The following HOXD3 variants were observed in gnomAD, a reference collection of about 807,000 sequenced individuals.
HOXD3 encodes homeobox D3.
In HOXD3, 13 loss-of-function variants were observed where a neutral mutation model predicts 32.8. The ratio of observed to expected loss-of-function variants is 0.40; its 90% CI spans 0.26 to 0.63. The LOEUF (loss-of-function observed/expected upper bound fraction) is 0.63. Among genes scored for constraint, HOXD3 ranks in the 20% least tolerant of loss-of-function variants. The probability of loss-of-function intolerance (pLI) is 0.44; values close to 1 mark genes in which losing one functional copy is unlikely to be tolerated. For synonymous variants in HOXD3, 241 were observed against 246.8 expected (o/e 0.98, Z 0.22); for missense variants, 504 against 577.1 (o/e 0.87, Z 1.30).
intron 1 of HOXD3, among the ~76,000 whole-genome samples, chr2:176,161,915 G>A (rs1010416075): frequency 1.3e-5 from 2 of 152,234 alleles, no homozygotes; most frequent in Non-Finnish European, 2.9e-5. Flanking sequence ...GCTGGGAGAG[G>A]AGAAGACAAC....
chr2:176,156,393 T>A (rs931875544), upstream of HOXD3, among the ~76,000 whole-genome samples: 1 of 152,234 alleles, frequency 6.6e-6, no homozygotes, highest in Non-Finnish European at 1.5e-5. Flanking sequence ...GGGATCCAGG[T>A]TGGCATTCTG....
chr2:176,166,353 T>C (rs1158568113), intron 2 of HOXD3, among the ~76,000 whole-genome samples: 4 of 152,204 alleles, frequency 2.6e-5, no homozygotes, highest in African/African-American at 9.6e-5. Flanking sequence ...CTTTGTCAAC[T>C]TGGGAGGCAG....
chr2:176,154,520 G>A (rs546649129), upstream of HOXD3, among the ~76,000 whole-genome samples: 1 of 152,286 alleles, frequency 6.6e-6, no homozygotes, highest in East Asian at 1.9e-4. Flanking sequence ...AGATCCAGAA[G>A]GGGGGTATTT....
At chr2:176,156,580 C>T (rs992795867), upstream of HOXD3, among the ~76,000 whole-genome samples, 1 of 152,092 alleles carries the variant, frequency 6.6e-6, no homozygotes. Context: ...CCCGGGCCTC[C>T]ACTCTTGGGC....
intron 1 of HOXD3, among the ~76,000 whole-genome samples, chr2:176,158,950 G>T (rs1186533045): frequency 6.6e-6 from 1 of 152,110 alleles, no homozygotes; most frequent in Non-Finnish European, 1.5e-5. Context: ...GGCTTGGCGG[G>T]CACTGGCCCG....
rs1175086891 is a variant in HOXD3 at position 176,169,324 on chromosome 2, C to A, written c.210C>A (p.Ile70=). The A allele has an allele frequency of 6.2e-7, 1 of 1,613,996 alleles. No homozygotes were observed. The highest frequency in any genetic ancestry group is 8.5e-7 in the Non-Finnish European group (1 of 1,180,030). Residue 70 remains isoleucine (I), a synonymous_variant, in exon 3 of 4, where the codon ATC becomes ATA. Coordinates refer to ENST00000683222, the MANE Select transcript of HOXD3 (RefSeq NM_006898.5). ...DTDYPGSACS[I]QSSAPLRAPA... is the part of the protein sequence containing the mutation. Reference sequence around the variant, plus strand: ...ACTATCCAGGTTCTGCCTGCTCCATCCAGAGCTCTGCCCCTCTGAGAGCCC... The same window carrying A: ...ACTATCCAGGTTCTGCCTGCTCCATACAGAGCTCTGCCCCTCTGAGAGCCC...
At chr2:176,166,534 AG>A (rs1194261871) in intron 2 of HOXD3, among the ~76,000 whole-genome samples, 1 of 152,242 alleles carries the variant, frequency 6.6e-6, no homozygotes, top group Non-Finnish European at 1.5e-5. Flanking sequence ...TTTCTTCAGC[AG>A]GGGGCAAACA....
upstream of HOXD3, among the ~76,000 whole-genome samples, chr2:176,154,013 C>T (rs1690596036): frequency 6.6e-6 from 1 of 150,764 alleles, no homozygotes; most frequent in Admixed American, 6.6e-5. Flanking sequence ...AGGGGAGGGG[C>T]TGTGCAGTGG....
At chr2:176,158,971 T>G (rs1690715065) in intron 1 of HOXD3, among the ~76,000 whole-genome samples, 2 of 152,116 alleles carry the variant, frequency 1.3e-5, no homozygotes, top group Admixed American at 1.3e-4. Flanking sequence ...GGCTATTTTA[T>G]CAGTGTGACA....
chr2:176,165,899 G>A (rs1372311953), intron 2 of HOXD3, among the ~76,000 whole-genome samples: 5 of 152,244 alleles, frequency 3.3e-5, no homozygotes, highest in Non-Finnish European at 2.9e-5. Flanking sequence ...TTTATGACCC[G>A]TTCCTGCTTT....
chr2:176,153,464 A>G (rs1690586443), upstream of HOXD3, among the ~76,000 whole-genome samples: 1 of 152,154 alleles, frequency 6.6e-6, no homozygotes, highest in Non-Finnish European at 1.5e-5. Flanking sequence ...AAAAATATAT[A>G]TTTTGCTCCC....
chr2:176,172,266 C>T lies in HOXD3; in HGVS notation c.1291C>T (p.His431Tyr). Residue 431 changes from histidine (H) to tyrosine (Y), a missense_variant, in exon 4 of 4, where the codon CAT (histidine) becomes TAT (tyrosine). Physicochemically the swap from His to Tyr is moderately conservative, Grantham distance 83. This residue lies in a region of HOXD3 where 226 missense variants were observed against 246.9 expected (regional missense o/e 0.92). Coordinates refer to ENST00000683222, the MANE Select transcript of HOXD3 (RefSeq NM_006898.5). ...ACTGCCGGAGGCTCCCAAACTGACG[C>T]ATCTGTAGCGGCCGCCGCCAGCCCG... Reference protein sequence around the residue: ...GRLPEAPKLTHL With the variant: ...GRLPEAPKLTYL 5 of 1,593,266 alleles carry T rather than the reference C, an allele frequency of 3.1e-6. No individual in the cohort carries two copies. The highest frequency in any genetic ancestry group is 4.3e-6 in the Non-Finnish European group (5 of 1,172,448).
chr2:176,162,501 T>C (rs1690839714), intron 1 of HOXD3, among the ~76,000 whole-genome samples: 1 of 152,138 alleles, frequency 6.6e-6, no homozygotes, highest in Admixed American at 6.5e-5. Context: ...CCAGTGCTGG[T>C]GGTCCAAAGC....
intron 1 of HOXD3, among the ~76,000 whole-genome samples, chr2:176,159,780 C>G (rs1690739303): frequency 6.6e-6 from 1 of 152,240 alleles, no homozygotes; most frequent in South Asian, 2.1e-4. Context: ...ATTGCGCAGT[C>G]CTCCTCGCCT....
At chr2:176,158,916 C>T (rs1247104306) in intron 1 of HOXD3, among the ~76,000 whole-genome samples, 5 of 151,724 alleles carry the variant, frequency 3.3e-5, no homozygotes. Flanking sequence ...GGCAGCCCGG[C>T]AGCCAACAGC....
At chr2:176,152,721 C>T (rs1690567254), upstream of HOXD3, 5 of 1,614,052 alleles carry the variant, frequency 3.1e-6, no homozygotes, top group Admixed American at 3.3e-5. This position sits in a 1 kb window ranked among gnomAD's most constrained non-coding sequence, Gnocchi z 5.2. Flanking sequence ...GACAAGGCGC[C>T]GTCGGATTGA....
rs1256124248 is a variant in HOXD3, at chr2:176,172,784, A to T, written c.*510A>T. ...CTTGTCTGAATGTATTTATGTGTAT[A>T]TTTGTAGATTTATCCAGCCGAGCTT... On this transcript the variant is annotated 3_prime_UTR_variant, in exon 4 of 4. Coordinates refer to ENST00000683222, the MANE Select transcript of HOXD3 (RefSeq NM_006898.5). 1 of 154,426 alleles carries T rather than the reference A, an allele frequency of 6.5e-6. No homozygotes were observed. Among genetic ancestry groups the T allele is most frequent in the Non-Finnish European group, 1.4e-5 (1 of 69,500 alleles). The allele number at this position is 154,426 out of a possible 1,614,324, so 9.6% of individuals were successfully genotyped here.
chr2:176,165,558 G>A (rs1690942551), intron 2 of HOXD3: 1 of 152,272 alleles, frequency 6.6e-6, no homozygotes, highest in Non-Finnish European at 1.5e-5. Context: ...CGCAAGAAAG[G>A]GCGAGCCAGA....
intron 1 of HOXD3, among the ~76,000 whole-genome samples, chr2:176,159,618 G>A (rs963711940): frequency 2.0e-5 from 3 of 152,142 alleles, no homozygotes; most frequent in African/African-American, 7.2e-5. Context: ...CAGGCCAGGA[G>A]GTCCGCTGCT....
Sources: gnomAD v4.1 joint callset for allele counts (sites outside exome capture counted in the v4.1 genomes callset) on GRCh38, gnomAD v4.1.1 for gene constraint, gnomAD v4.1.1 regional missense constraint, Gnocchi (gnomAD v3.1) non-coding constraint, MANE v1.5 for transcripts, NCBI Gene and HGNC (gene_info 2026-07-23, HGNC 2026-07-21) for gene names.